The following ADPGK variants were observed in gnomAD, a reference collection of about 807,000 sequenced individuals.
ADPGK encodes ADP-dependent glucokinase.
Under a neutral mutation model 42.4 loss-of-function variants are expected in ADPGK, and 26 were observed. That is an observed-to-expected ratio of 0.61 (90% CI 0.45 to 0.85). The LOEUF (loss-of-function observed/expected upper bound fraction) is 0.85. Ranked by LOEUF, ADPGK falls within the 40% of genes least tolerant of loss-of-function variation. ADPGK has a pLI of 0.00. For synonymous variants in ADPGK, 267 were observed against 252.6 expected (o/e 1.06, Z -0.54); for missense variants, 571 against 627.0 (o/e 0.91, Z 0.95).
At chr15:72,768,352 T>C (rs1301331577) in intron 3 of ADPGK, among the ~76,000 whole-genome samples, 1 of 152,086 alleles carries the variant, frequency 6.6e-6, no homozygotes, top group Non-Finnish European at 1.5e-5. Context: ...GAAGATACAA[T>C]ACCAATGCGA....
At chr15:72,767,266 AAG>A (rs1057121603) in intron 3 of ADPGK, among the ~76,000 whole-genome samples, 7 of 152,134 alleles carry the variant, frequency 4.6e-5, no homozygotes, top group African/African-American at 1.7e-4. Flanking sequence ...TGTACCTAAT[AAG>A]AGTTTCAAAA....
chr15:72,782,280 A>C (rs947187258), intron 1 of ADPGK, among the ~76,000 whole-genome samples: 1 of 152,152 alleles, frequency 6.6e-6, no homozygotes, highest in African/African-American at 2.4e-5. Flanking sequence ...TTGGGAGGCC[A>C]AGATGGGAGG....
intron 3 of ADPGK, among the ~76,000 whole-genome samples, chr15:72,771,419 T>C (rs2066327534): frequency 1.3e-5 from 2 of 152,208 alleles, no homozygotes; most frequent in Admixed American, 1.3e-4. Flanking sequence ...ACATGGGTTA[T>C]TGGGTCAGAC....
chr15:72,756,018 T>C (rs1210579948), intron 5 of ADPGK: 2 of 687,930 alleles, frequency 2.9e-6, no homozygotes, highest in East Asian at 2.8e-5. Flanking sequence ...TAGCACAGGA[T>C]GCAGAGGCTC....
intron 3 of ADPGK, among the ~76,000 whole-genome samples, chr15:72,761,844 A>C (rs1280507834): frequency 1.3e-5 from 2 of 151,614 alleles, no homozygotes; most frequent in Non-Finnish European, 2.9e-5. Flanking sequence ...GACTACAGGC[A>C]TAAGCCACAC....
chr15:72,760,090 A>G (rs2304597), intron 4 of ADPGK: 87,163 of 160,272 alleles, frequency 0.54, 25,392 homozygotes, highest in Middle Eastern at 0.69. Flanking sequence ...GTCATAAAGG[A>G]AAACTTTATA....
At position 72,783,708 on chromosome 15, in the gene ADPGK, C is replaced by T. The variant is rs966948651; in HGVS notation, c.-17G>A. The stretch of plus-strand genomic sequence containing the variant: ...CAGCGCCATGGGGACCCAGGCGCCG[C>T]ACCTGCGCGAACCAACTCCTTTCCT... On this transcript the variant is annotated 5_prime_UTR_variant, in exon 1 of 7. Coordinates refer to ENST00000456471, the MANE Select transcript of ADPGK (RefSeq NM_001365225.1). 8.7e-5 allele frequency: 126 copies of T among 1,453,000 alleles called. No homozygotes were observed. The highest frequency in any genetic ancestry group is 2.5e-4 in the African/African-American group (17 of 67,410). The allele number at this position is 1,453,000 out of a possible 1,614,324, so 90.0% of individuals were successfully genotyped here. A position where few individuals can be genotyped will look rare whatever the true frequency, so the allele number is the denominator to read the frequency against.
intron 2 of ADPGK, among the ~76,000 whole-genome samples, chr15:72,773,031 C>A (rs546858170): frequency 1.3e-5 from 2 of 151,994 alleles, no homozygotes; most frequent in East Asian, 3.9e-4. Flanking sequence ...GGTGTCCAAT[C>A]TTTTGGCCGC....
At chr15:72,779,625 A>C (rs537503689) in intron 1 of ADPGK, among the ~76,000 whole-genome samples, 16 of 150,518 alleles carry the variant, frequency 1.1e-4, no homozygotes, top group South Asian at 2.1e-4. Flanking sequence ...ACGCCTTAAA[A>C]CTCCTCCTAT....
intron 3 of ADPGK, among the ~76,000 whole-genome samples, chr15:72,763,920 G>A (rs1446373385): frequency 2.6e-5 from 4 of 152,022 alleles, no homozygotes; most frequent in African/African-American, 9.7e-5. Flanking sequence ...TAACTGTTTT[G>A]GGACACCACA....
chr15:72,773,268 T>C (rs534865101), intron 2 of ADPGK, among the ~76,000 whole-genome samples: 8 of 152,186 alleles, frequency 5.3e-5, no homozygotes, highest in Non-Finnish European at 1.0e-4. Context: ...CTTATCCCAA[T>C]TTTGTGCTGA....
In ADPGK at chr15:72,771,997, T is replaced by C. The variant is rs890266459; in HGVS notation, c.460-152A>G. 10 of 485,874 alleles carry C rather than the reference T, an allele frequency of 2.1e-5. No individual in the cohort carries two copies. In the South Asian group the frequency reaches 2.4e-4, roughly 12 times the overall value. 30.1% of individuals were successfully genotyped at this position (485,874 alleles called of 1,614,324 possible). ...TCAAAGGACACACAGATGAAGTGAA[T>C]GCAACACAGAAATAGAAAGTGAGTA... On this transcript the variant is annotated intron_variant, in intron 2 of 6. Coordinates refer to ENST00000456471, the MANE Select transcript of ADPGK (RefSeq NM_001365225.1).
At chr15:72,776,106 C>A (rs1438977101) in intron 1 of ADPGK, among the ~76,000 whole-genome samples, 4 of 152,084 alleles carry the variant, frequency 2.6e-5, no homozygotes, top group Non-Finnish European at 5.9e-5. Context: ...CATGTCAGTG[C>A]CCCAGAGTTT....
intron 1 of ADPGK, among the ~76,000 whole-genome samples, chr15:72,782,451 G>A (rs1342611648): frequency 6.9e-6 from 1 of 144,880 alleles, no homozygotes; most frequent in Non-Finnish European, 1.5e-5. Flanking sequence ...CTTGAGCTCG[G>A]GAGTTCGAGG....
At chr15:72,781,750 T>C (rs895692962) in intron 1 of ADPGK, among the ~76,000 whole-genome samples, 2 of 152,216 alleles carry the variant, frequency 1.3e-5, no homozygotes, top group Admixed American at 6.5e-5. Context: ...CTAACCATAA[T>C]TGTTATGGAT....
chr15:72,766,799 A>G (rs2066266519), intron 3 of ADPGK, among the ~76,000 whole-genome samples: 1 of 152,208 alleles, frequency 6.6e-6, no homozygotes, highest in Non-Finnish European at 1.5e-5. Flanking sequence ...GAAAAAAAGA[A>G]TTATACCTAA....
At chr15:72,760,225 G>T in intron 4 of ADPGK, 182 bp downstream of exon 4, 1 of 615,038 alleles carries the variant, frequency 1.6e-6, no homozygotes, top group Non-Finnish European at 2.5e-6. Flanking sequence ...ATAATACTCA[G>T]TCTCCCTTGA....
intron 4 of ADPGK, chr15:72,756,679 C>A (rs1196842429): frequency 1.8e-6 from 1 of 554,754 alleles, no homozygotes; most frequent in Non-Finnish European, 3.2e-6. Context: ...GTGCTATATG[C>A]CTTTTTCAAG....
rs896653738 is a variant in ADPGK, at chr15:72,760,582, C to T, written c.523-55G>A. Reference sequence around the variant, plus strand: ...GAGCCCCGTTCCTTTCCCCACAGAACCTCAACAGCACCCCAGGACAGTACA... The same window carrying T: ...GAGCCCCGTTCCTTTCCCCACAGAATCTCAACAGCACCCCAGGACAGTACA... On this transcript the variant is annotated intron_variant, in intron 3 of 6. Transcript: ENST00000456471. 2.6e-6 allele frequency: 4 copies of T among 1,563,502 alleles called. No individual in the cohort carries two copies. The African/African-American group carries it at 5.4e-5, about 21-fold the overall frequency.
Sources: allele counts gnomAD v4.1 joint callset (sites outside exome capture counted in the v4.1 genomes callset), GRCh38; gene constraint gnomAD v4.1.1; transcripts MANE v1.5; gene names NCBI Gene and HGNC (gene_info 2026-07-23, HGNC 2026-07-21).